The following EPN2 variants were observed in gnomAD, a reference collection of about 807,000 sequenced individuals.
EPN2 encodes epsin 2.
EPN2 carries 34 observed loss-of-function variants against 61.7 expected under a neutral mutation model. The ratio of observed to expected loss-of-function variants is 0.55; its 90% CI spans 0.42 to 0.73. EPN2 has a LOEUF of 0.73. Among genes scored for constraint, EPN2 ranks in the 30% least tolerant of loss-of-function variants. The pLI, the probability that EPN2 is intolerant of heterozygous loss-of-function variation, is 0.00. For synonymous variants in EPN2, 349 were observed against 353.6 expected, an observed-to-expected ratio of 0.99 and a Z score of 0.15; for missense variants, 714 against 839.2, an observed-to-expected ratio of 0.85 and a Z score of 1.84.
At position 19,283,668 on chromosome 17, in the gene EPN2, G is replaced by C. The variant is rs2045379175; in HGVS notation, c.549G>C (p.Glu183Asp). Residue 183 changes from glutamate to aspartate, a missense_variant, in exon 3 of 11, where the codon GAG (glutamate) becomes GAC (aspartate). Glu to Asp is a conservative substitution (Grantham distance 45). Transcript: ENST00000314728. The surrounding 1 kb of genome is among the most constrained non-coding windows in gnomAD (Gnocchi z 7.0). ...CCAACCTCTCCACCAGCCACTCGGA[G>C]CAGGAGTATGGCAAGGCCGGGGGCT... The part of the protein sequence containing the change: ...SQPNLSTSHS[E>D]QEYGKAGGSP... The C allele has an allele frequency of 1.2e-6, 2 of 1,612,656 alleles. No individual in the cohort carries two copies. The highest frequency in any genetic ancestry group is 1.7e-6 in the Non-Finnish European group (2 of 1,179,142).
chr17:19,306,546 C>T (rs1452802963), intron 4 of EPN2, among the ~76,000 whole-genome samples: 1 of 152,202 alleles, frequency 6.6e-6, no homozygotes, highest in Non-Finnish European at 1.5e-5. Flanking sequence ...GCCAGCTGTG[C>T]GTTATTCTAA....
At chr17:19,284,277 C>T (rs2045384194) in intron 3 of EPN2, among the ~76,000 whole-genome samples, 1 of 152,202 alleles carries the variant, frequency 6.6e-6, no homozygotes, top group Non-Finnish European at 1.5e-5. Context: ...GATCTGGTTG[C>T]ATGGCTGGGT....
chr17:19,312,189 T>C (rs368084162), intron 6 of EPN2, 45 bp downstream of exon 6: 12 of 1,421,226 alleles, frequency 8.4e-6, no homozygotes, highest in Middle Eastern at 2.1e-4. Flanking sequence ...TGTCCTGTAG[T>C]TGTTGCCTCA....
At chr17:19,249,733 G>A (rs2044993128) in intron 1 of EPN2, among the ~76,000 whole-genome samples, 1 of 152,206 alleles carries the variant, frequency 6.6e-6, no homozygotes, top group Non-Finnish European at 1.5e-5. Flanking sequence ...AGTTTCCTAT[G>A]GCTGCTGTGA....
At position 19,246,438 on chromosome 17, in the gene EPN2, A is replaced by AT. The variant is rs571667584; in HGVS notation, c.-294+8911dup. 4.3e-4 allele frequency among the ~76,000 whole-genome samples: 65 copies of AT among 152,192 alleles called. 2 individuals are homozygous for AT. The South Asian group carries it at 0.012, about 29-fold the overall frequency. ...ACACCTGGGTTCTAGCCAATGGGTA[A>AT]TTTTCTCTCTGGTCTTAAAATGTCC... On this transcript the variant is annotated intron_variant, in intron 1 of 10. Transcript: ENST00000314728.
intron 1 of EPN2, among the ~76,000 whole-genome samples, chr17:19,270,378 T>C (rs2045240871): frequency 6.6e-6 from 1 of 152,156 alleles, no homozygotes; most frequent in Non-Finnish European, 1.5e-5. Flanking sequence ...ACAGGTTGTG[T>C]GTATAGTCTA....
At chr17:19,239,354 G>C (rs540246091) in intron 1 of EPN2, among the ~76,000 whole-genome samples, 10 of 152,182 alleles carry the variant, frequency 6.6e-5, no homozygotes, top group Non-Finnish European at 1.3e-4. Flanking sequence ...ATTTCGCCAC[G>C]TTGGCCAGGC....
At chr17:19,332,132 C>T (rs1907186153) in intron 10 of EPN2, 64 bp downstream of exon 10, 2 of 1,203,574 alleles carry the variant, frequency 1.7e-6, no homozygotes, top group Non-Finnish European at 2.4e-6. Flanking sequence ...TGCAGCAGGC[C>T]TCTTGGGGGC....
intron 4 of EPN2, among the ~76,000 whole-genome samples, chr17:19,307,428 A>C (rs1905898603): frequency 6.6e-6 from 1 of 151,992 alleles, no homozygotes; most frequent in South Asian, 2.1e-4. Flanking sequence ...TTCCTACCTC[A>C]GCCTCCTGAG....
chr17:19,332,124 C>A, intron 10 of EPN2, 56 bp downstream of exon 10: 1 of 1,354,266 alleles, frequency 7.4e-7, no homozygotes, highest in Non-Finnish European at 1.0e-6. Flanking sequence ...AATGGGTGTG[C>A]AGCAGGCCTC....
At chr17:19,325,351 A>G (rs1906818980) in intron 7 of EPN2, among the ~76,000 whole-genome samples, 1 of 152,232 alleles carries the variant, frequency 6.6e-6, no homozygotes, top group South Asian at 2.1e-4. Flanking sequence ...ATCCTAAGGA[A>G]AGAAACAATT....
intron 4 of EPN2, among the ~76,000 whole-genome samples, chr17:19,296,170 G>C (rs1387995997): frequency 6.6e-6 from 1 of 151,616 alleles, no homozygotes; most frequent in African/African-American, 2.4e-5. Flanking sequence ...TTTTAAACTG[G>C]GACAGAGTCT....
intron 6 of EPN2, 23 bp from the exon 7 acceptor site, chr17:19,313,082 T>C (rs753896813): frequency 1.2e-6 from 2 of 1,609,716 alleles, no homozygotes; most frequent in African/African-American, 1.3e-5. Context: ...GTAAAACCTG[T>C]CCCCTTCTCT....
chr17:19,309,274 G>A (rs1345326329), intron 4 of EPN2, among the ~76,000 whole-genome samples: 1 of 151,928 alleles, frequency 6.6e-6, no homozygotes, highest in African/African-American at 2.4e-5. Context: ...GGGATTATAG[G>A]CACACGCCAC....
chr17:19,272,289 A>G (rs1356643973), intron 1 of EPN2, among the ~76,000 whole-genome samples: 2 of 152,146 alleles, frequency 1.3e-5, no homozygotes, highest in East Asian at 3.9e-4. Context: ...AAGGGTTCTG[A>G]AGGCTGCTTT....
intron 1 of EPN2, among the ~76,000 whole-genome samples, chr17:19,269,535 A>T (rs1014682320): frequency 6.6e-6 from 1 of 152,338 alleles, no homozygotes; most frequent in East Asian, 1.9e-4. Context: ...ACACGTTTTT[A>T]GGAATAGTTT....
intron 3 of EPN2, among the ~76,000 whole-genome samples, chr17:19,284,304 T>G (rs540808858): frequency 1.3e-5 from 2 of 152,198 alleles, no homozygotes; most frequent in African/African-American, 4.8e-5. Context: ...TGAGTTCTGG[T>G]TTTGCATGTT....
chr17:19,288,135 G>C (rs977728172), intron 4 of EPN2, among the ~76,000 whole-genome samples: 36 of 152,224 alleles, frequency 2.4e-4, no homozygotes, highest in African/African-American at 8.4e-4. Flanking sequence ...GCTTCCACCA[G>C]CTGTGTCCCC....
At chr17:19,268,186 GTCTTC>G (rs1443855497) in intron 1 of EPN2, among the ~76,000 whole-genome samples, 2 of 152,158 alleles carry the variant, frequency 1.3e-5, no homozygotes, top group Non-Finnish European at 2.9e-5. Context: ...TCTTGTCCTT[GTCTTC>G]TCAGGAGCTG....
Sources: gnomAD v4.1 joint callset for allele counts (sites outside exome capture counted in the v4.1 genomes callset) on GRCh38, gnomAD v4.1.1 for gene constraint, Gnocchi (gnomAD v3.1) non-coding constraint, MANE v1.5 for transcripts, NCBI Gene and HGNC (gene_info 2026-07-23, HGNC 2026-07-21) for gene names.